The following NAALADL2 variants were observed in gnomAD, a reference collection of about 807,000 sequenced individuals.
The protein encoded by NAALADL2 is inactive N-acetylated-alpha-linked acidic dipeptidase-like protein 2.
In NAALADL2, 76 loss-of-function variants were observed where a neutral mutation model predicts 87.2. The observed-to-expected ratio is 0.87, with a 90% CI of 0.72 to 1.05. The LOEUF is 1.05. NAALADL2 is among the 50% of genes least tolerant of loss of function. The pLI is 0.00. For missense variants in NAALADL2, 1,089 were observed against 945.8 expected (o/e 1.15, Z -1.99); for synonymous variants, 354 against 331.0 (o/e 1.07, Z -0.75).
At chr3:175,385,444 T>TA (rs1290579429) in intron 5 of NAALADL2, among the ~76,000 whole-genome samples, 4 of 152,044 alleles carry the variant, frequency 2.6e-5, no homozygotes, top group African/African-American at 9.7e-5. Flanking sequence ...AAGTGAAAGA[T>TA]AGCTTCCCTC....
At chr3:175,400,888 T>C (rs1345025235) in intron 5 of NAALADL2, among the ~76,000 whole-genome samples, 2 of 152,142 alleles carry the variant, frequency 1.3e-5, no homozygotes, top group African/African-American at 4.8e-5. Context: ...AAGTTGGTAT[T>C]TGAATTAGCA....
In NAALADL2 at chr3:175,320,570, T is replaced by G. The variant is rs542025871; in HGVS notation, c.940-3605T>G. Among the ~76,000 whole-genome samples the G allele has an allele frequency of 2.6e-5, 4 of 152,254 alleles. No individual in the cohort carries two copies. In the South Asian group the frequency reaches 8.3e-4, roughly 32 times the overall value. On this transcript the variant is annotated intron_variant, in intron 4 of 13. Coordinates refer to ENST00000454872, the MANE Select transcript of NAALADL2 (RefSeq NM_207015.3). ...GACAGTGGCTATTTTCTAAACAGTG[T>G]GACAGTATTTCAACATTTTAATGAC... is the stretch of plus-strand genomic sequence containing the variant.
At chr3:175,801,423 T>A (rs548085112) in intron 13 of NAALADL2, among the ~76,000 whole-genome samples, 88 of 152,214 alleles carry the variant, frequency 5.8e-4, no homozygotes, top group African/African-American at 2.0e-3. Context: ...GGCCCTATAC[T>A]CTGATCTTAC....
intron 13 of NAALADL2, among the ~76,000 whole-genome samples, chr3:175,759,830 T>G (rs571817689): frequency 6.6e-6 from 1 of 152,112 alleles, no homozygotes; most frequent in Non-Finnish European, 1.5e-5. Flanking sequence ...TGAATGGTTA[T>G]TGGGTTAGTG....
At chr3:175,582,177 C>G (rs1036196168) in intron 10 of NAALADL2, among the ~76,000 whole-genome samples, 3 of 150,818 alleles carry the variant, frequency 2.0e-5, no homozygotes. Context: ...TTCCAAGAGT[C>G]TGAGGAATAA....
intron 6 of NAALADL2, among the ~76,000 whole-genome samples, chr3:175,449,853 AT>A (rs1364545635): frequency 1.2e-4 from 19 of 152,216 alleles, no homozygotes. Flanking sequence ...TTTCTAAGGG[AT>A]TATGACATAT....
At chr3:174,910,596 G>A (rs971875591) in intron 1 of NAALADL2, among the ~76,000 whole-genome samples, 1 of 151,972 alleles carries the variant, frequency 6.6e-6, no homozygotes, top group Non-Finnish European at 1.5e-5. Flanking sequence ...TATGCAGGTA[G>A]GAGTTAATAT....
chr3:174,446,449 T>C lies in NAALADL2; in HGVS notation c.-184+5417T>C, dbSNP rs138796306. Among the ~76,000 whole-genome samples, 309 of 152,336 alleles carry C rather than the reference T, an allele frequency of 2.0e-3. 2 individuals are homozygous for C. The highest frequency in any genetic ancestry group is 0.014 in the Middle Eastern group (4 of 294). ...TTTAGTTTTAGGATTTTAGCTATTA[T>C]ATTGGTCAAACCTTATACTTTGCAT... On this transcript the variant is annotated intron_variant, in intron 1 of 3. Coordinates refer to the NAALADL2 transcript ENST00000434257.
At chr3:174,585,395 A>T (rs1716592975) in intron 2 of NAALADL2, among the ~76,000 whole-genome samples, 1 of 152,236 alleles carries the variant, frequency 6.6e-6, no homozygotes, top group African/African-American at 2.4e-5. Flanking sequence ...AAAGAAAAAA[A>T]ATAGTTATCA....
chr3:175,763,918 G>A (rs1748356298), intron 13 of NAALADL2, among the ~76,000 whole-genome samples: 1 of 151,954 alleles, frequency 6.6e-6, no homozygotes, highest in African/African-American at 2.4e-5. Flanking sequence ...ATTTGGTGTG[G>A]CTTTGGAAAA....
In NAALADL2 at chr3:174,827,819, A is replaced by T. The variant is rs1722171944; in HGVS notation, c.-9+90073A>T. Among the ~76,000 whole-genome samples, 3 of 152,138 alleles carry T rather than the reference A, an allele frequency of 2.0e-5. No individual in the cohort carries two copies. The South Asian group carries it at 6.2e-4, about 32-fold the overall frequency. ...CCTTTTTACCATCCAATTGTAGCAA[A>T]CATATTTTATATTCCAAAGCTTTTC... On this transcript the variant is annotated intron_variant, in intron 3 of 3. Coordinates refer to the NAALADL2 transcript ENST00000434257.
chr3:174,734,027 C>G (rs1473296133), intron 2 of NAALADL2, among the ~76,000 whole-genome samples: 1 of 152,090 alleles, frequency 6.6e-6, no homozygotes, highest in African/African-American at 2.4e-5. Flanking sequence ...CCATATTTAT[C>G]CAGAAAACCC....
intron 10 of NAALADL2, among the ~76,000 whole-genome samples, chr3:175,587,053 G>C (rs919262154): frequency 3.3e-5 from 5 of 152,212 alleles, no homozygotes; most frequent in Non-Finnish European, 7.3e-5. Flanking sequence ...ATGGTCCCAA[G>C]AGTAGTGGGT....
At chr3:175,385,369 CCTTA>C (rs1295166865) in intron 5 of NAALADL2, among the ~76,000 whole-genome samples, 1 of 151,996 alleles carries the variant, frequency 6.6e-6, no homozygotes, top group Non-Finnish European at 1.5e-5. Flanking sequence ...TTTTGTCTTA[CCTTA>C]CTTTTAGTTT....
chr3:174,641,202 T>C (rs574068), intron 2 of NAALADL2, among the ~76,000 whole-genome samples: 22,939 of 152,104 alleles, frequency 0.15, 1,925 homozygotes, highest in South Asian at 0.28. Context: ...CTGCAAGAGA[T>C]GGATTCTGCC....
At chr3:175,217,551 A>G (rs1447345004) in intron 2 of NAALADL2, among the ~76,000 whole-genome samples, 3 of 152,326 alleles carry the variant, frequency 2.0e-5, no homozygotes, top group Non-Finnish European at 4.4e-5. Flanking sequence ...GAGAAGTAAT[A>G]CTAAAGGTGG....
intron 1 of NAALADL2, among the ~76,000 whole-genome samples, chr3:174,874,342 C>G (rs1408535048): frequency 6.6e-6 from 1 of 152,154 alleles, no homozygotes. Context: ...TACAGTCTCC[C>G]CTACTGATAC....
chr3:175,298,637 G>T (rs1241325201), intron 4 of NAALADL2, among the ~76,000 whole-genome samples: 1 of 152,040 alleles, frequency 6.6e-6, no homozygotes, highest in Non-Finnish European at 1.5e-5. Flanking sequence ...CTCTGTCTCA[G>T]CCCAAAATTG....
At chr3:174,754,099 C>T (rs1350519606) in intron 3 of NAALADL2, among the ~76,000 whole-genome samples, 1 of 152,136 alleles carries the variant, frequency 6.6e-6, no homozygotes. Flanking sequence ...GCAGCTTGAG[C>T]TAAGACATTC....
Sources: gnomAD v4.1 joint callset for allele counts (sites outside exome capture counted in the v4.1 genomes callset) on GRCh38, gnomAD v4.1.1 for gene constraint, MANE v1.5 for transcripts, NCBI Gene and HGNC (gene_info 2026-07-23, HGNC 2026-07-21) for gene names.